KCNS2: variants seen among roughly 807,000 people sequenced by gnomAD.
The protein encoded by KCNS2 is delayed-rectifier potassium channel regulatory subunit KCNS2.
Under a neutral mutation model 28.3 loss-of-function variants are expected in KCNS2, and 15 were observed. The ratio of observed to expected loss-of-function variants is 0.53; its 90% CI spans 0.35 to 0.82. The LOEUF (loss-of-function observed/expected upper bound fraction) is 0.82, where lower values mean the gene tolerates loss of function less well. KCNS2 is among the 40% of genes least tolerant of loss of function. The pLI, the probability that KCNS2 is intolerant of heterozygous loss-of-function variation, is 0.01. For synonymous variants in KCNS2, 254 were observed against 256.7 expected, an observed-to-expected ratio of 0.99 and a Z score of 0.10; for missense variants, 501 against 617.1, an observed-to-expected ratio of 0.81 and a Z score of 1.99.
Position 98,429,217 on chromosome 8 carries a change from T to C in KCNS2, c.1238T>C (p.Phe413Ser). 1 of 1,613,962 alleles carries C rather than the reference T, an allele frequency of 6.2e-7. No homozygotes were observed. The highest frequency in any genetic ancestry group is 1.3e-5 in the African/African-American group (1 of 75,018). The change falls in exon 2 of 2, where the codon TTC becomes TCC. Residue 413 changes from phenylalanine to serine, a missense_variant. Phe to Ser is a radical substitution (Grantham distance 155). Transcript: ENST00000287042. ...VLPITLIFNK[F>S]SHFYRRQKQL... ...CCCATCACCTTGATCTTCAATAAGT[T>C]CTCCCACTTTTACCGGCGCCAAAAG...
Position 98,428,807 on chromosome 8 carries a change from G to A in KCNS2, c.828G>A (p.Val276=). 2 of 1,614,196 alleles carry A rather than the reference G, an allele frequency of 1.2e-6. No individual in the cohort carries two copies. Among genetic ancestry groups the A allele is most frequent in the Non-Finnish European group, 1.7e-6 (2 of 1,180,040 alleles). ...TCGTCCCCTTTTACATCACTCTGGTGGTGAACCTGGTGGTGGAGAGCACAC... is the reference window on the plus strand; with the variant it reads ...TCGTCCCCTTTTACATCACTCTGGTAGTGAACCTGGTGGTGGAGAGCACAC... ...MSIVPFYITL[V]VNLVVESTPT... is the part of the protein sequence containing the mutation. Residue 276 remains valine, a synonymous_variant, in exon 2 of 2, where the codon GTG becomes GTA. Transcript: ENST00000287042. The surrounding 1 kb of genome is among the most constrained non-coding windows in gnomAD (Gnocchi z 6.7).
chr8:98,428,797 T>G lies in KCNS2; in HGVS notation c.818T>G (p.Ile273Ser). ...IDLMSIVPFY[I>S]TLVVNLVVES... ...CTCATGTCCATCGTCCCCTTTTACATCACTCTGGTGGTGAACCTGGTGGTG... is the reference window on the plus strand; with the variant it reads ...CTCATGTCCATCGTCCCCTTTTACAGCACTCTGGTGGTGAACCTGGTGGTG... Residue 273 changes from isoleucine to serine, a missense_variant, in exon 2 of 2, where the codon ATC becomes AGC. Ile to Ser is a moderately radical substitution (Grantham distance 142). Coordinates refer to ENST00000287042, the MANE Select transcript of KCNS2 (RefSeq NM_020697.4). This position sits in a 1 kb window ranked among gnomAD's most constrained non-coding sequence, Gnocchi z 6.7. 1 of 1,614,198 alleles carries G rather than the reference T, an allele frequency of 6.2e-7. No individual in the cohort carries two copies. The highest frequency in any genetic ancestry group is 8.5e-7 in the Non-Finnish European group (1 of 1,180,042).
chr8:98,429,474 A>AAGAG lies in KCNS2; in HGVS notation c.*61_*62insAGAG. On this transcript the variant is annotated 3_prime_UTR_variant, in exon 2 of 2. Coordinates refer to ENST00000287042, the MANE Select transcript of KCNS2 (RefSeq NM_020697.4). ...GAGCTGCCTCTTGTGCCTCTGGCAC[A>AAGAG]GCCCAGGCACCTTATGGTTATGGTG... 8.1e-7 allele frequency: 1 copy of AAGAG among 1,233,268 alleles called. No homozygotes were observed. The highest frequency in any genetic ancestry group is 1.2e-6 in the Non-Finnish European group (1 of 854,682). 76.4% of individuals were successfully genotyped at this position (1,233,268 alleles called of 1,614,324 possible).
Position 98,428,106 on chromosome 8 carries a change from C to G in KCNS2, c.127C>G (p.Leu43Val), listed in dbSNP as rs1407855949. 2 of 1,613,974 alleles carry G rather than the reference C, an allele frequency of 1.2e-6. No individual in the cohort carries two copies. The highest frequency in any genetic ancestry group is 1.7e-6 in the Non-Finnish European group (2 of 1,180,034). Residue 43 changes from leucine to valine, a missense_variant, in exon 2 of 2, where the codon CTG becomes GTG. Physicochemically the swap from Leu to Val is conservative, Grantham distance 32. Coordinates refer to ENST00000287042, the MANE Select transcript of KCNS2 (RefSeq NM_020697.4). This position sits in a 1 kb window ranked among gnomAD's most constrained non-coding sequence, Gnocchi z 6.7. ...HTLLRFPETR[L>V]GRLLLCHSRE... ...GCTGCTGCGCTTCCCCGAGACGCGC[C>G]TGGGCCGCTTGCTGCTCTGCCACTC...
chr8:98,429,050 C>T lies in KCNS2; in HGVS notation c.1071C>T (p.Gly357=). 6.2e-7 allele frequency: 1 copy of T among 1,613,146 alleles called. No homozygotes were observed. The highest frequency in any genetic ancestry group is 8.5e-7 in the Non-Finnish European group (1 of 1,179,270). The change falls in exon 2 of 2, where the codon GGC becomes GGT. Residue 357 remains glycine (G), a synonymous_variant. Transcript: ENST00000287042. ...AYTIEKEENE[G]LATIPACWWW... Reference sequence around the variant, plus strand: ...CCATTGAAAAGGAGGAGAACGAGGGCCTGGCCACCATCCCTGCCTGCTGGT... The same window carrying T: ...CCATTGAAAAGGAGGAGAACGAGGGTCTGGCCACCATCCCTGCCTGCTGGT...
rs991200580 is a variant in KCNS2 at position 98,432,447 on chromosome 8, G to T, written c.*3034G>T. The T allele has an allele frequency of 1.8e-5, 3 of 167,064 alleles. No individual in the cohort carries two copies. The highest frequency in any genetic ancestry group is 7.2e-5 in the African/African-American group (3 of 41,448). 10.3% of individuals were successfully genotyped at this position (167,064 alleles called of 1,614,324 possible). A position where few individuals can be genotyped will look rare whatever the true frequency, so the allele number is the denominator to read the frequency against. On this transcript the variant is annotated 3_prime_UTR_variant, in exon 2 of 2. Transcript: ENST00000287042. ...CACGTCTGTTGCACAAATGCATATT[G>T]GTTATAGGTTTGTGTTTTCTGCCAA...
At chr8:98,427,780 T>C (rs868822165) in intron 1 of KCNS2, 158 bp from the exon 2 acceptor site, 3 of 547,536 alleles carry the variant, frequency 5.5e-6, no homozygotes, top group Non-Finnish European at 9.7e-6. Context: ...CCCCAGCCTT[T>C]CCTGGGAGGG....
rs574918409 is a variant in KCNS2 at position 98,429,974 on chromosome 8, G to C, written c.*561G>C. 6.0e-6 allele frequency: 1 copy of C among 167,438 alleles called. No homozygotes were observed. Among genetic ancestry groups the C allele is most frequent in the South Asian group, 2.1e-4 (1 of 4,832 alleles). 10.4% of individuals were successfully genotyped at this position (167,438 alleles called of 1,614,324 possible). A position where few individuals can be genotyped will look rare whatever the true frequency, so the allele number is the denominator to read the frequency against. The stretch of plus-strand genomic sequence containing the variant: ...GCAAAGTTAAGCAGACTTGACCAAT[G>C]CAAGTCTCTAAGTTGTTTTTATAAA... On this transcript the variant is annotated 3_prime_UTR_variant, in exon 2 of 2. Transcript: ENST00000287042.
In KCNS2 at chr8:98,429,576, G is replaced by A. The variant is rs546074874; in HGVS notation, c.*163G>A. ...GGTTTCTTTTACAGTTTTTAGAATC[G>A]TTTTTAGAGGGTGGTGTGTCTGACA... On this transcript the variant is annotated 3_prime_UTR_variant, in exon 2 of 2. Coordinates refer to ENST00000287042, the MANE Select transcript of KCNS2 (RefSeq NM_020697.4). 2.5e-5 allele frequency: 15 copies of A among 591,888 alleles called. No homozygotes were observed. The highest frequency in any genetic ancestry group is 9.3e-5 in the Admixed American group (3 of 32,236). The allele number at this position is 591,888 out of a possible 1,614,324, so 36.7% of individuals were successfully genotyped here. A position where few individuals can be genotyped will look rare whatever the true frequency, so the allele number is the denominator to read the frequency against.
rs1411854947 is a variant in KCNS2 at position 98,430,804 on chromosome 8, A to C, written c.*1391A>C. 1 of 167,088 alleles carries C rather than the reference A, an allele frequency of 6.0e-6. No homozygotes were observed. The highest frequency in any genetic ancestry group is 1.9e-4 in the East Asian group (1 of 5,212). 10.4% of individuals were successfully genotyped at this position (167,088 alleles called of 1,614,324 possible). A position where few individuals can be genotyped will look rare whatever the true frequency, so the allele number is the denominator to read the frequency against. ...AAACTGCTAGTTCATAAAATGTCAT[A>C]AAAAATTGTAAACTTGAAAAGCTTA... On this transcript the variant is annotated 3_prime_UTR_variant, in exon 2 of 2. Coordinates refer to ENST00000287042, the MANE Select transcript of KCNS2 (RefSeq NM_020697.4).
Position 98,428,893 on chromosome 8 carries a change from T to C in KCNS2, c.914T>C (p.Ile305Thr). 1 of 1,614,166 alleles carries C rather than the reference T, an allele frequency of 6.2e-7. No individual in the cohort carries two copies. Among genetic ancestry groups the C allele is most frequent in the African/African-American group, 1.3e-5 (1 of 75,038 alleles). Residue 305 changes from isoleucine (I) to threonine (T), a missense_variant, in exon 2 of 2, where the codon ATC becomes ACC. By Grantham distance (89) the Ile-to-Thr change is moderately conservative. Transcript: ENST00000287042. The surrounding 1 kb of genome is among the most constrained non-coding windows in gnomAD (Gnocchi z 6.7). Reference sequence around the variant, plus strand: ...CTGAGGCTGATGCGGATCTTCCGCATCTTAAAGCTGGCCAGGCACTCCACT... The same window carrying C: ...CTGAGGCTGATGCGGATCTTCCGCACCTTAAAGCTGGCCAGGCACTCCACT... ...QVLRLMRIFR[I>T]LKLARHSTGL... is the part of the protein sequence containing the mutation.
At position 98,427,936 on chromosome 8, in the gene KCNS2, A is replaced by T; in HGVS notation, c.-42-2A>T. On this transcript the variant is annotated splice_acceptor_variant, in intron 1 of 1. Coordinates refer to ENST00000287042, the MANE Select transcript of KCNS2 (RefSeq NM_020697.4). LOFTEE classifies it low-confidence loss of function (5UTR_SPLICE). ...CGCCGACGCTGTTCCCTCCGCTTCC[A>T]GGTGTAGCGCCCCCGCGCGGCGCGG... 2 of 1,427,084 alleles carry T rather than the reference A, an allele frequency of 1.4e-6. No individual in the cohort carries two copies. Among genetic ancestry groups the T allele is most frequent in the Non-Finnish European group, 1.9e-6 (2 of 1,069,828 alleles). 88.4% of individuals were successfully genotyped at this position (1,427,084 alleles called of 1,614,324 possible).
At position 98,428,891 on chromosome 8, in the gene KCNS2, C is replaced by A. The variant is rs374122102; in HGVS notation, c.912C>A (p.Arg304=). Residue 304 remains arginine (R), a synonymous_variant, in exon 2 of 2, where the codon CGC becomes CGA. Coordinates refer to ENST00000287042, the MANE Select transcript of KCNS2 (RefSeq NM_020697.4). The surrounding 1 kb of genome is among the most constrained non-coding windows in gnomAD (Gnocchi z 6.7). The part of the protein sequence containing the change: ...AQVLRLMRIF[R]ILKLARHSTG... ...TCCTGAGGCTGATGCGGATCTTCCG[C>A]ATCTTAAAGCTGGCCAGGCACTCCA... The A allele has an allele frequency of 4.3e-6, 7 of 1,614,062 alleles. No homozygotes were observed. Among genetic ancestry groups the A allele is most frequent in the Non-Finnish European group, 5.9e-6 (7 of 1,180,042 alleles).
At position 98,428,975 on chromosome 8, in the gene KCNS2, C is replaced by T. The variant is rs145439108; in HGVS notation, c.996C>T (p.Leu332=). The T allele has an allele frequency of 4.2e-3, 6,782 of 1,614,170 alleles. 18 individuals are homozygous for T. Among genetic ancestry groups the T allele is most frequent in the Non-Finnish European group, 5.0e-3 (5,875 of 1,180,038 alleles). ...ACAGCTACAAAGAAGTAGGGCTGCT[C>T]TTGCTCTACCTCTCCGTGGGGATTT... ...LKYSYKEVGL[L]LLYLSVGISI... is the part of the protein sequence containing the mutation. The change falls in exon 2 of 2, where the codon CTC becomes CTT. Residue 332 remains leucine (L), a synonymous_variant. Coordinates refer to ENST00000287042, the MANE Select transcript of KCNS2 (RefSeq NM_020697.4). This position sits in a 1 kb window ranked among gnomAD's most constrained non-coding sequence, Gnocchi z 6.7.
Position 98,428,750 on chromosome 8 carries a change from G to T in KCNS2, c.771G>T (p.Lys257Asn). ...CCCCTGACTTCCTCAAGTTCTTCAA[G>T]AATGCCCTAAACCTTATTGACCTCA... ...AVAPDFLKFF[K>N]NALNLIDLMS... The change falls in exon 2 of 2, where the codon AAG becomes AAT. Residue 257 changes from lysine (K) to asparagine (N), a missense_variant. Lys to Asn is a moderately conservative substitution (Grantham distance 94). Coordinates refer to ENST00000287042, the MANE Select transcript of KCNS2 (RefSeq NM_020697.4). This position sits in a 1 kb window ranked among gnomAD's most constrained non-coding sequence, Gnocchi z 6.7. The T allele has an allele frequency of 6.2e-7, 1 of 1,614,216 alleles. No homozygotes were observed. Among genetic ancestry groups the T allele is most frequent in the Non-Finnish European group, 8.5e-7 (1 of 1,180,044 alleles).
rs1484762849 is a variant in KCNS2, at chr8:98,431,321, G to C, written c.*1908G>C. The stretch of plus-strand genomic sequence containing the variant: ...GGACTGGAGGCTTGTGGGAGGCTGG[G>C]AGGTGGCTGTCTCCTAGTGTCTACA... On this transcript the variant is annotated 3_prime_UTR_variant, in exon 2 of 2. Coordinates refer to ENST00000287042, the MANE Select transcript of KCNS2 (RefSeq NM_020697.4). 1 of 167,118 alleles carries C rather than the reference G, an allele frequency of 6.0e-6. No homozygotes were observed. The highest frequency in any genetic ancestry group is 1.5e-5 in the Non-Finnish European group (1 of 68,132). The allele number at this position is 167,118 out of a possible 1,614,324, so 10.4% of individuals were successfully genotyped here.
rs1452789775 is a variant in KCNS2 at position 98,432,412 on chromosome 8, TG to T, written c.*3002del. 1 of 167,064 alleles carries T rather than the reference TG, an allele frequency of 6.0e-6. No homozygotes were observed. The highest frequency in any genetic ancestry group is 2.4e-5 in the African/African-American group (1 of 41,444). 10.3% of individuals were successfully genotyped at this position (167,064 alleles called of 1,614,324 possible). On this transcript the variant is annotated 3_prime_UTR_variant, in exon 2 of 2. Coordinates refer to ENST00000287042, the MANE Select transcript of KCNS2 (RefSeq NM_020697.4). ...GATGTGCATTTTGGAAGTGCTGGGT[TG>T]GGAAGTGACACGTCTGTTGCACAAA...
chr8:98,429,110 C>A lies in KCNS2; in HGVS notation c.1131C>A (p.Tyr377Ter). The A allele has an allele frequency of 6.2e-7, 1 of 1,613,466 alleles. No homozygotes were observed. Among genetic ancestry groups the A allele is most frequent in the Non-Finnish European group, 8.5e-7 (1 of 1,179,542 alleles). The change falls in exon 2 of 2, where the codon TAC (tyrosine) becomes TAA (stop). Residue 377 changes from tyrosine to a stop codon, truncating the protein, a stop_gained. Coordinates refer to ENST00000287042, the MANE Select transcript of KCNS2 (RefSeq NM_020697.4). LOFTEE classifies it high-confidence loss of function. ...CCGTCAGTATGACCACAGTGGGGTA[C>A]GGGGATGTGGTCCCAGGGACCACGG... ...WATVSMTTVG[Y>*]GDVVPGTTAG...
chr8:98,428,315 G>C lies in KCNS2; in HGVS notation c.336G>C (p.Glu112Asp). The change falls in exon 2 of 2, where the codon GAG becomes GAC. Residue 112 changes from glutamate to aspartate, a missense_variant. Glu to Asp is a conservative substitution (Grantham distance 45, BLOSUM62 2). Coordinates refer to ENST00000287042, the MANE Select transcript of KCNS2 (RefSeq NM_020697.4). The surrounding 1 kb of genome is among the most constrained non-coding windows in gnomAD (Gnocchi z 6.7). ...AGATCGAGTACTGGGGCATCAACGA[G>C]TTCTTCATTGACTCCTGCTGCAGCT... Reference protein sequence around the residue: ...SQEIEYWGINEFFIDSCCSYS... With the variant: ...SQEIEYWGINDFFIDSCCSYS... The C allele has an allele frequency of 1.2e-6, 2 of 1,614,126 alleles. No homozygotes were observed. The highest frequency in any genetic ancestry group is 1.7e-6 in the Non-Finnish European group (2 of 1,180,014).
Sources: gnomAD v4.1 joint callset for allele counts on GRCh38, gnomAD v4.1.1 for gene constraint, Gnocchi (gnomAD v3.1) non-coding constraint, MANE v1.5 for transcripts, NCBI Gene and HGNC (gene_info 2026-07-23, HGNC 2026-07-21) for gene names.